RIMS2: variants seen among roughly 807,000 people sequenced by gnomAD.
RIMS2 encodes regulating synaptic membrane exocytosis protein 2.
In RIMS2, 59 loss-of-function variants were observed where a neutral mutation model predicts 174.4. That is an observed-to-expected ratio of 0.34 (90% CI 0.27 to 0.42). The LOEUF is 0.42. Ranked by LOEUF, RIMS2 falls within the 10% of genes least tolerant of loss-of-function variation. RIMS2 has a pLI of 1.00. For synonymous variants in RIMS2, 606 were observed against 572.5 expected (o/e 1.06, Z -0.84); for missense variants, 1,620 against 1,666.3 (o/e 0.97, Z 0.48).
intron 1 of RIMS2, among the ~76,000 whole-genome samples, chr8:103,694,472 A>G (rs1325761858): frequency 6.6e-6 from 1 of 152,034 alleles, no homozygotes; most frequent in Non-Finnish European, 1.5e-5. Context: ...ACCTGGGACT[A>G]TGTGAGCCAG....
intron 14 of RIMS2, among the ~76,000 whole-genome samples, chr8:103,957,908 G>A (rs1233370701): frequency 1.3e-5 from 2 of 152,176 alleles, no homozygotes; most frequent in Non-Finnish European, 2.9e-5. Flanking sequence ...AATAACAGAT[G>A]CTGGCAAGGT....
chr8:103,852,854 C>T (rs746249207), intron 3 of RIMS2, among the ~76,000 whole-genome samples: 3 of 151,880 alleles, frequency 2.0e-5, no homozygotes, highest in African/African-American at 4.8e-5. Context: ...TGAACAGCAC[C>T]GCCACGAACA....
At chr8:103,857,760 A>G (rs146409823) in intron 3 of RIMS2, among the ~76,000 whole-genome samples, 328 of 152,358 alleles carry the variant, frequency 2.2e-3, no homozygotes, top group African/African-American at 7.6e-3. Flanking sequence ...TCAATACTCT[A>G]TGTGATCTCA....
intron 1 of RIMS2, among the ~76,000 whole-genome samples, chr8:103,658,907 T>C (rs1011682976): frequency 5.3e-5 from 8 of 152,138 alleles, no homozygotes; most frequent in African/African-American, 1.9e-4. Context: ...TAGCTTGCAA[T>C]AGCAGAATAT....
intron 1 of RIMS2, among the ~76,000 whole-genome samples, chr8:103,604,828 G>T (rs1350278534): frequency 1.1e-5 from 1 of 93,256 alleles, no homozygotes; most frequent in Admixed American, 1.1e-4. Context: ...AAGAATGCTT[G>T]TGATTTTTGT....
chr8:103,568,664 CCTAGATAAA>C, intron 1 of RIMS2: 3 of 655,588 alleles, frequency 4.6e-6, no homozygotes. Context: ...GAAGCATTTC[CCTAGATAAA>C]CAATATGTAG....
At chr8:103,575,962 C>T (rs751262539) in intron 1 of RIMS2, among the ~76,000 whole-genome samples, 33 of 152,108 alleles carry the variant, frequency 2.2e-4, no homozygotes, top group Non-Finnish European at 3.8e-4. Context: ...GGAGACTGTC[C>T]CTGCCTCAAC....
intron 14 of RIMS2, among the ~76,000 whole-genome samples, chr8:103,956,888 C>A (rs867115311): frequency 1.3e-5 from 2 of 152,056 alleles, no homozygotes; most frequent in Non-Finnish European, 2.9e-5. Flanking sequence ...CTACAAAGAA[C>A]TTAAACAGAT....
At chr8:103,805,330 A>G (rs1360755671) in intron 3 of RIMS2, among the ~76,000 whole-genome samples, 1 of 152,164 alleles carries the variant, frequency 6.6e-6, no homozygotes, top group Non-Finnish European at 1.5e-5. Flanking sequence ...TGTTATTAAC[A>G]TTAATATGTT....
chr8:103,562,912 G>T (rs1406309321), intron 1 of RIMS2, among the ~76,000 whole-genome samples: 3 of 152,108 alleles, frequency 2.0e-5, no homozygotes, highest in Non-Finnish European at 4.4e-5. Flanking sequence ...CAAGGCTTGG[G>T]GCTTCCACCC....
rs188135769 is a variant in RIMS2, at chr8:103,806,384, A to G, written c.698+39847A>G. 2.6e-3 allele frequency among the ~76,000 whole-genome samples: 392 copies of G among 152,240 alleles called. 5 individuals are homozygous for G. The highest frequency in any genetic ancestry group is 9.0e-3 in the African/African-American group (376 of 41,562). On this transcript the variant is annotated intron_variant, in intron 3 of 23. Coordinates refer to ENST00000504942, the Ensembl canonical transcript of RIMS2. ...AACTTACATTTTAAATGAGAGTTCC[A>G]TAAGAAGTTGCTGAATGACAGATAC...
chr8:103,975,522 T>C lies in RIMS2; in HGVS notation c.2927+16T>C. 1 of 1,600,568 alleles carries C rather than the reference T, an allele frequency of 6.2e-7. No homozygotes were observed. ...CTCCACAAAGGTAAGATAGACTACT[T>C]ATTTTATTTGTAGGGTGGCTGTATT... On this transcript the variant is annotated intron_variant, in intron 16 of 23. Transcript: ENST00000504942.
chr8:104,185,915 A>T (rs183477689), intron 19 of RIMS2, among the ~76,000 whole-genome samples: 10 of 151,802 alleles, frequency 6.6e-5, no homozygotes, highest in African/African-American at 2.4e-4. Flanking sequence ...TTATATCAAA[A>T]AGATACCTGT....
intron 1 of RIMS2, among the ~76,000 whole-genome samples, chr8:103,590,434 T>G (rs2094195334): frequency 1.3e-5 from 2 of 151,314 alleles, no homozygotes; most frequent in Non-Finnish European, 3.0e-5. Flanking sequence ...TGCCTTAACA[T>G]TGTTCTTTGC....
At chr8:103,764,493 C>T (rs371123400) in intron 2 of RIMS2, among the ~76,000 whole-genome samples, 14 of 152,248 alleles carry the variant, frequency 9.2e-5, no homozygotes, top group African/African-American at 3.4e-4. Flanking sequence ...AAGATGGCAT[C>T]AAAAGGCTGA....
chr8:103,504,529 T>G (rs1822312487), intron 1 of RIMS2, among the ~76,000 whole-genome samples: 1 of 152,184 alleles, frequency 6.6e-6, no homozygotes, highest in South Asian at 2.1e-4. Flanking sequence ...ATACTGAGTT[T>G]CTAATATGTA....
chr8:104,109,106 G>A (rs1365735778), intron 19 of RIMS2, among the ~76,000 whole-genome samples: 1 of 151,746 alleles, frequency 6.6e-6, no homozygotes, highest in Non-Finnish European at 1.5e-5. Flanking sequence ...GACCATCTTG[G>A]CTAACATGGT....
chr8:103,628,007 C>A (rs944318218), intron 1 of RIMS2, among the ~76,000 whole-genome samples: 3 of 152,150 alleles, frequency 2.0e-5, no homozygotes, highest in Admixed American at 2.0e-4. Context: ...TGAACAACTG[C>A]ATGCATGCTA....
At chr8:104,010,019 CGGAT>C (rs201578515) in intron 17 of RIMS2, among the ~76,000 whole-genome samples, 2,696 of 151,072 alleles carry the variant, frequency 0.018, 32 homozygotes, top group Non-Finnish European at 0.027. Context: ...GATGGACGGA[CGGAT>C]GGACGGACGG....
Sources: allele counts gnomAD v4.1 joint callset (sites outside exome capture counted in the v4.1 genomes callset), GRCh38; gene constraint gnomAD v4.1.1; transcripts MANE v1.5; gene names NCBI Gene and HGNC (gene_info 2026-07-23, HGNC 2026-07-21).